The following USP37 variants were observed in gnomAD, a reference collection of about 807,000 sequenced individuals.
USP37 encodes ubiquitin specific peptidase 37.
USP37 carries 27 observed loss-of-function variants against 124.0 expected under a neutral mutation model. The observed-to-expected ratio is 0.22, with a 90% CI of 0.16 to 0.30. USP37 has a LOEUF of 0.30. Among genes scored for constraint, USP37 ranks in the 10% least tolerant of loss-of-function variants. The pLI is 1.00. For missense variants in USP37, 889 were observed against 1,140.4 expected, an observed-to-expected ratio of 0.78 and a Z score of 3.17; for synonymous variants, 365 against 388.0, an observed-to-expected ratio of 0.94 and a Z score of 0.70.
chr2:218,510,064 T>C lies in USP37; in HGVS notation c.940A>G (p.Lys314Glu), dbSNP rs1689891069. The C allele has an allele frequency of 1.2e-6, 2 of 1,613,192 alleles. No homozygotes were observed. Among genetic ancestry groups the C allele is most frequent in the Non-Finnish European group, 1.7e-6 (2 of 1,179,876 alleles). Residue 314 changes from lysine (K) to glutamate (E), a missense_variant, in exon 11 of 26, where the codon AAA (lysine) becomes GAA (glutamate). By Grantham distance (56) the Lys-to-Glu change is moderately conservative. Transcript: ENST00000258399. ...TAATCCTGGTTACACCTCAGTTTTT[T>C]AACAGAAAGAGGAACTGGCTGAGGA... ...FLPQPVPLSV[K>E]KLRCNQDYTG...
chr2:218,468,009 T>G (rs1690453804), intron 20 of USP37, among the ~76,000 whole-genome samples: 1 of 151,442 alleles, frequency 6.6e-6, no homozygotes, highest in South Asian at 2.1e-4. Context: ...TGCCTCAGCC[T>G]CCCGAGTAGC....
Position 218,488,338 on chromosome 2 carries a change from CGAG to C in USP37, c.1553_1555del (p.Pro518del). ...AAGATCAAGAGAATCTTGAATTGAACGAGGAGGGAGTGGTTTTTTCCTACGAGG... is the reference window on the plus strand; with the variant it reads ...AAGATCAAGAGAATCTTGAATTGAACGAGGGAGTGGTTTTTTCCTACGAGG... On this transcript the variant is annotated inframe_deletion, in exon 15 of 26. Transcript: ENST00000258399. The C allele has an allele frequency of 6.2e-7, 1 of 1,611,278 alleles. No homozygotes were observed.
At chr2:218,525,985 C>T (rs2106019918) in intron 10 of USP37, among the ~76,000 whole-genome samples, 1 of 152,310 alleles carries the variant, frequency 6.6e-6, no homozygotes, top group South Asian at 2.1e-4. Flanking sequence ...TAATGGCCTC[C>T]AGCTCCATCC....
chr2:218,464,520 G>A (rs1181596597), intron 21 of USP37, among the ~76,000 whole-genome samples: 2 of 152,326 alleles, frequency 1.3e-5, no homozygotes, highest in African/African-American at 4.8e-5. Context: ...TTACAGGCGT[G>A]AGCCACAGTG....
At chr2:218,465,971 G>C (rs1173298169) in intron 21 of USP37, 39 bp downstream of exon 21, 1 of 1,585,414 alleles carries the variant, frequency 6.3e-7, no homozygotes, top group African/African-American at 1.4e-5. Flanking sequence ...TCTCAGGAAA[G>C]GTAAGTACAG....
chr2:218,454,362 T>A lies in USP37; in HGVS notation c.*568A>T, dbSNP rs1265268943. The A allele has an allele frequency of 6.6e-6, 1 of 152,628 alleles. No individual in the cohort carries two copies. The highest frequency in any genetic ancestry group is 1.5e-5 in the Non-Finnish European group (1 of 68,060). The allele number at this position is 152,628 out of a possible 1,614,324, so 9.5% of individuals were successfully genotyped here. On this transcript the variant is annotated 3_prime_UTR_variant, in exon 26 of 26. Coordinates refer to ENST00000258399, the MANE Select transcript of USP37 (RefSeq NM_020935.3). ...CCTCTCTTGCAAAGAGAACAAACTG[T>A]CATTAGTGTAACATGAAGAGCTGGC...
intron 3 of USP37, among the ~76,000 whole-genome samples, chr2:218,559,685 T>TG (rs1693212577): frequency 6.6e-6 from 1 of 152,182 alleles, no homozygotes; most frequent in Non-Finnish European, 1.5e-5. Flanking sequence ...GCTGGGTGCT[T>TG]GTCAGGCAAT....
At chr2:218,483,107 G>A (rs945116913) in intron 16 of USP37, among the ~76,000 whole-genome samples, 9 of 152,106 alleles carry the variant, frequency 5.9e-5, no homozygotes, top group African/African-American at 9.7e-5. Flanking sequence ...TTTAAAAAGC[G>A]TGCTAGAACT....
At chr2:218,522,588 T>TC (rs1559205381) in intron 10 of USP37, among the ~76,000 whole-genome samples, 11 of 149,410 alleles carry the variant, frequency 7.4e-5, no homozygotes, top group Non-Finnish European at 1.0e-4. Flanking sequence ...AAGTTTAGAT[T>TC]CTTTTTTTTT....
At chr2:218,530,123 C>A in intron 9 of USP37, 83 bp from the exon 10 acceptor site, 1 of 979,448 alleles carries the variant, frequency 1.0e-6, no homozygotes, top group Non-Finnish European at 1.5e-6. Context: ...ATACATTAGT[C>A]CTGATTATAT....
At chr2:218,505,580 A>G (rs894770863) in intron 11 of USP37, among the ~76,000 whole-genome samples, 1 of 151,966 alleles carries the variant, frequency 6.6e-6, no homozygotes, top group Non-Finnish European at 1.5e-5. Context: ...TTTGTTTCAC[A>G]CCTCCTTTCA....
intron 22 of USP37, among the ~76,000 whole-genome samples, chr2:218,462,749 A>C (rs1438860042): frequency 6.6e-6 from 1 of 152,146 alleles, no homozygotes; most frequent in Non-Finnish European, 1.5e-5. Flanking sequence ...GATGACAAAA[A>C]TTATTTTGAA....
chr2:218,554,823 TTAGG>T (rs1313505224), intron 4 of USP37, among the ~76,000 whole-genome samples: 2 of 152,120 alleles, frequency 1.3e-5, no homozygotes, highest in Non-Finnish European at 2.9e-5. Context: ...GGCAAATTAT[TTAGG>T]TAGTTTCAAT....
chr2:218,543,831 CA>C (rs559137867), intron 8 of USP37, among the ~76,000 whole-genome samples: 11 of 149,480 alleles, frequency 7.4e-5, no homozygotes, highest in African/African-American at 1.2e-4. Context: ...AAAAAACAAA[CA>C]AAAAAAAAAA....
At chr2:218,501,357 G>A (rs1689376780) in intron 11 of USP37, among the ~76,000 whole-genome samples, 1 of 152,024 alleles carries the variant, frequency 6.6e-6, no homozygotes, top group Non-Finnish European at 1.5e-5. Context: ...ATCCTTCTAA[G>A]GGCATCACAT....
At chr2:218,457,766 G>A (rs1391924209) in intron 23 of USP37, among the ~76,000 whole-genome samples, 1 of 152,080 alleles carries the variant, frequency 6.6e-6, no homozygotes, top group Non-Finnish European at 1.5e-5. Flanking sequence ...GGGGAAGGAA[G>A]GCCAGGCGTG....
Position 218,553,549 on chromosome 2 carries a change from T to C in USP37, c.328+4A>G. 6.2e-7 allele frequency: 1 copy of C among 1,610,888 alleles called. No homozygotes were observed. Among genetic ancestry groups the C allele is most frequent in the Non-Finnish European group, 8.5e-7 (1 of 1,178,184 alleles). On this transcript the variant is annotated splice_donor_region_variant and intron_variant, in intron 5 of 25. Coordinates refer to ENST00000258399, the MANE Select transcript of USP37 (RefSeq NM_020935.3). ...CGTTAGACCCTGGGGTGATTAGTAC[T>C]CACCTGCAGGAAGTCTGTTTTGATG...
chr2:218,511,433 C>T (rs1383130373), intron 10 of USP37, among the ~76,000 whole-genome samples: 7 of 152,202 alleles, frequency 4.6e-5, no homozygotes, highest in African/African-American at 7.2e-5. Flanking sequence ...CTCAGGCTCC[C>T]GACTAGCTGG....
chr2:218,520,243 A>AT (rs1690530859), intron 10 of USP37, among the ~76,000 whole-genome samples: 2 of 149,924 alleles, frequency 1.3e-5, no homozygotes, highest in Admixed American at 6.7e-5. Context: ...AGCTTGGCCA[A>AT]TTTTTTCTTT....
Sources: allele counts gnomAD v4.1 joint callset (sites outside exome capture counted in the v4.1 genomes callset), GRCh38; gene constraint gnomAD v4.1.1; transcripts MANE v1.5; gene names NCBI Gene and HGNC (gene_info 2026-07-23, HGNC 2026-07-21).